The following REV3L variants were observed in gnomAD, a reference collection of about 807,000 sequenced individuals.
The protein encoded by REV3L is DNA polymerase zeta catalytic subunit.
A neutral mutation model predicts 299.4 loss-of-function variants in REV3L; 69 were observed. The ratio of observed to expected loss-of-function variants is 0.23; its 90% CI spans 0.19 to 0.28. The LOEUF is 0.28. Among genes scored for constraint, REV3L ranks in the 10% least tolerant of loss-of-function variants. The pLI, the probability that REV3L is intolerant of heterozygous loss-of-function variation, is 1.00. For missense variants in REV3L, 3,128 were observed against 3,693.8 expected, an observed-to-expected ratio of 0.85 and a Z score of 3.97; for synonymous variants, 1,238 against 1,271.4, an observed-to-expected ratio of 0.97 and a Z score of 0.56.
intron 2 of REV3L, 84 bp downstream of exon 2, chr6:111,416,197 AAT>A (rs1784750648): frequency 1.1e-6 from 1 of 915,390 alleles, no homozygotes; most frequent in African/African-American, 1.7e-5. Flanking sequence ...AAGTAAAAGA[AAT>A]AGAGTTTATC....
In REV3L at chr6:111,482,856, G is replaced by A. The variant is rs1324439794; in HGVS notation, c.33C>T (p.Tyr11=). The A allele has an allele frequency of 3.3e-6, 5 of 1,519,364 alleles. No individual in the cohort carries two copies. Among genetic ancestry groups the A allele is most frequent in the East Asian group, 2.7e-5 (1 of 36,858 alleles). 94.1% of individuals were successfully genotyped at this position (1,519,364 alleles called of 1,614,324 possible). The change falls in exon 1 of 32, where the codon TAC becomes TAT. Residue 11 remains tyrosine, a synonymous_variant. Coordinates refer to ENST00000368802, the MANE Select transcript of REV3L (RefSeq NM_001372078.1). ...GCCCCTGCAGCGGGCTGGCCATGTAGTAGTCTGCAGTCACTATCCTTACTG... is the reference window on the plus strand; with the variant it reads ...GCCCCTGCAGCGGGCTGGCCATGTAATAGTCTGCAGTCACTATCCTTACTG... MFSVRIVTAD[Y]YMASPLQGLD...
chr6:111,362,402 C>A (rs1023746909), intron 16 of REV3L, among the ~76,000 whole-genome samples: 1 of 152,054 alleles, frequency 6.6e-6, no homozygotes, highest in East Asian at 1.9e-4. Flanking sequence ...AGAAAAAAAA[C>A]CACACTTAAA....
At chr6:111,417,158 A>G (rs549205680) in intron 1 of REV3L, among the ~76,000 whole-genome samples, 3 of 152,176 alleles carry the variant, frequency 2.0e-5, no homozygotes, top group Admixed American at 6.5e-5. Context: ...GAAAACCAAT[A>G]TATCAGTCAA....
chr6:111,400,304 A>AT (rs1782956295), intron 4 of REV3L, among the ~76,000 whole-genome samples: 2 of 152,172 alleles, frequency 1.3e-5, no homozygotes, highest in Admixed American at 1.3e-4. Flanking sequence ...GTTCTGAGAA[A>AT]CTATCTGTCT....
rs118093360 is a variant in REV3L at position 111,333,142 on chromosome 6, G to C, written c.7906C>G (p.His2636Asp). 3.1e-6 allele frequency: 5 copies of C among 1,613,986 alleles called. No individual in the cohort carries two copies. In the East Asian group the frequency reaches 1.1e-4, roughly 36 times the overall value. The change falls in exon 23 of 32, where the codon CAT (histidine) becomes GAT (aspartate). Residue 2636 changes from histidine (H) to aspartate (D), a missense_variant. By Grantham distance (81) the His-to-Asp change is moderately conservative. Coordinates refer to ENST00000368802, the MANE Select transcript of REV3L (RefSeq NM_001372078.1). The stretch of plus-strand genomic sequence containing the variant: ...CCTTACTTTCCCAAGTTCTCCACAT[G>C]GCCAAGGCAGGTGGAAAAGCAGTAG... ...YNYCFSTCLG[H>D]VENLGKYDEF...
chr6:111,322,476 GTTT>G, intron 26 of REV3L, 90 bp downstream of exon 26: 1 of 917,186 alleles, frequency 1.1e-6, no homozygotes, highest in Non-Finnish European at 1.8e-6. Context: ...ACAGAACTCT[GTTT>G]TTAGAAAAGA....
intron 4 of REV3L, among the ~76,000 whole-genome samples, chr6:111,401,800 T>C (rs1388589055): frequency 6.6e-6 from 1 of 152,134 alleles, no homozygotes; most frequent in Non-Finnish European, 1.5e-5. Flanking sequence ...GCATTGCATA[T>C]AGCATCATTA....
intron 1 of REV3L, among the ~76,000 whole-genome samples, chr6:111,447,346 A>C (rs1210463431): frequency 6.6e-6 from 1 of 152,200 alleles, no homozygotes. Context: ...TTACAGAGAA[A>C]AATGCAATCT....
In REV3L at chr6:111,331,667, G is replaced by A. The variant is rs1434842631; in HGVS notation, c.8034+9C>T. Reference sequence around the variant, plus strand: ...TAGTTGTTATCTTTCATTTACAAGAGAGTATTACCTTGACAAAAGCTACTC... The same window carrying A: ...TAGTTGTTATCTTTCATTTACAAGAAAGTATTACCTTGACAAAAGCTACTC... On this transcript the variant is annotated intron_variant, in intron 24 of 31. Transcript: ENST00000368802. 1 of 1,558,464 alleles carries A rather than the reference G, an allele frequency of 6.4e-7. No individual in the cohort carries two copies. The highest frequency in any genetic ancestry group is 8.8e-7 in the Non-Finnish European group (1 of 1,131,858).
At chr6:111,430,367 GAAAGA>G (rs1562299936) in intron 1 of REV3L, 2 of 1,261,814 alleles carry the variant, frequency 1.6e-6, no homozygotes, top group African/African-American at 2.9e-5. Context: ...GATTTTAAAT[GAAAGA>G]AAAGATCAAG....
At chr6:111,324,123 C>T (rs1774488011) in intron 25 of REV3L, among the ~76,000 whole-genome samples, 1 of 152,164 alleles carries the variant, frequency 6.6e-6, no homozygotes, top group Non-Finnish European at 1.5e-5. Context: ...CTTCAGTCTC[C>T]CGAATAGCTG....
chr6:111,371,336 A>G (rs184987020), intron 13 of REV3L, among the ~76,000 whole-genome samples: 107 of 152,158 alleles, frequency 7.0e-4, no homozygotes, highest in Non-Finnish European at 2.2e-4. Flanking sequence ...TCTGATTTCT[A>G]TTTTGCTATT....
intron 22 of REV3L, among the ~76,000 whole-genome samples, chr6:111,333,667 G>C (rs1026198872): frequency 6.6e-6 from 1 of 151,806 alleles, no homozygotes; most frequent in Non-Finnish European, 1.5e-5. Flanking sequence ...GTAGAAACAG[G>C]GTTTCACCAT....
In REV3L at chr6:111,367,769, G is replaced by C. The variant is rs758770405; in HGVS notation, c.6019C>G (p.Gln2007Glu). The change falls in exon 14 of 32, where the codon CAA (glutamine) becomes GAA (glutamate). Residue 2007 changes from glutamine (Q) to glutamate (E), a missense_variant. Physicochemically the swap from Gln to Glu is conservative, Grantham distance 29. Transcript: ENST00000368802. ...TCTTCTTTGGCTTGAAGCCACACTT[G>C]AACCAGTTGTCGACTTGGGGCACAT... ...CKCAPSRQLVQVWLQAKEEYE... is the reference protein window; with the variant it reads ...CKCAPSRQLVEVWLQAKEEYE... The C allele has an allele frequency of 8.7e-6, 14 of 1,614,150 alleles. No homozygotes were observed. The highest frequency in any genetic ancestry group is 1.2e-5 in the Non-Finnish European group (14 of 1,180,028).
chr6:111,331,909 G>C, intron 23 of REV3L, 125 bp from the exon 24 acceptor site: 1 of 649,642 alleles, frequency 1.5e-6, no homozygotes, highest in Non-Finnish European at 2.7e-6. Context: ...AAGAATTCAT[G>C]TACTTAGTAA....
chr6:111,394,976 G>A (rs1290701177), intron 4 of REV3L, among the ~76,000 whole-genome samples: 1 of 152,130 alleles, frequency 6.6e-6, no homozygotes, highest in East Asian at 1.9e-4. Context: ...AGAAGAGTAA[G>A]CCACCATGCT....
chr6:111,342,885 C>T (rs983126691), intron 21 of REV3L, among the ~76,000 whole-genome samples: 1 of 151,802 alleles, frequency 6.6e-6, no homozygotes, highest in Admixed American at 6.6e-5. Context: ...TGGAAGGGAA[C>T]AAAATCTTTA....
intron 1 of REV3L, among the ~76,000 whole-genome samples, chr6:111,451,395 C>T (rs777864608): frequency 3.9e-5 from 6 of 152,160 alleles, no homozygotes; most frequent in Non-Finnish European, 5.9e-5. Flanking sequence ...AGATCTGATT[C>T]ACACAGTACC....
chr6:111,338,244 A>G (rs1452264102), intron 21 of REV3L, among the ~76,000 whole-genome samples: 5 of 147,900 alleles, frequency 3.4e-5, no homozygotes. Context: ...TGTTGACGAT[A>G]ATTTGTTTCG....
Sources: allele counts gnomAD v4.1 joint callset (sites outside exome capture counted in the v4.1 genomes callset), GRCh38; gene constraint gnomAD v4.1.1; transcripts MANE v1.5; gene names NCBI Gene and HGNC (gene_info 2026-07-23, HGNC 2026-07-21).